Variants in SNX3 observed in about 807,000 individuals in gnomAD.
SNX3 encodes the protein sorting nexin 3, also known as sorting nexin-3.
A neutral mutation model predicts 17.7 loss-of-function variants in SNX3; 5 were observed. That is an observed-to-expected ratio of 0.28 (90% CI 0.15 to 0.59). The LOEUF (loss-of-function observed/expected upper bound fraction) is 0.59. Ranked by LOEUF, SNX3 falls within the 20% of genes least tolerant of loss-of-function variation. The pLI is 0.88. For synonymous variants in SNX3, 91 were observed against 76.5 expected, an observed-to-expected ratio of 1.19 and a Z score of -0.99; for missense variants, 132 against 206.8, an observed-to-expected ratio of 0.64 and a Z score of 2.22.
intron 1 of SNX3, among the ~76,000 whole-genome samples, chr6:108,232,848 C>T (rs1211961542): frequency 6.6e-6 from 1 of 152,176 alleles, no homozygotes; most frequent in Non-Finnish European, 1.5e-5. Flanking sequence ...CTGTTTTACC[C>T]AATCTGGAAC....
At chr6:108,239,657 A>G (rs1457920730) in intron 1 of SNX3, among the ~76,000 whole-genome samples, 1 of 152,234 alleles carries the variant, frequency 6.6e-6, no homozygotes, top group African/African-American at 2.4e-5. Context: ...GAATTAAGTA[A>G]CTTGTTCAAG....
At chr6:108,255,829 G>A (rs550968647) in intron 1 of SNX3, among the ~76,000 whole-genome samples, 11 of 152,206 alleles carry the variant, frequency 7.2e-5, no homozygotes, top group African/African-American at 1.7e-4. Flanking sequence ...AGTTTAGAAC[G>A]GCAAGCACTG....
intron 1 of SNX3, among the ~76,000 whole-genome samples, chr6:108,257,920 C>T (rs1387475239): frequency 6.6e-6 from 1 of 151,722 alleles, no homozygotes; most frequent in African/African-American, 2.4e-5. Context: ...GCCAAGATCG[C>T]GCCACTGCAC....
intron 1 of SNX3, among the ~76,000 whole-genome samples, chr6:108,228,265 C>T (rs771671799): frequency 5.3e-5 from 8 of 151,998 alleles, no homozygotes; most frequent in Non-Finnish European, 1.0e-4. Context: ...ATTAGCTGGG[C>T]AGGCTGGGCG....
chr6:108,239,976 T>C (rs1775468064), intron 1 of SNX3, among the ~76,000 whole-genome samples: 1 of 152,120 alleles, frequency 6.6e-6, no homozygotes, highest in Non-Finnish European at 1.5e-5. Context: ...CCATTTCTCT[T>C]AAAAATATGA....
Position 108,246,572 on chromosome 6 carries a change from C to T in SNX3, c.162+14188G>A, listed in dbSNP as rs908655419. Among the ~76,000 whole-genome samples the T allele has an allele frequency of 2.2e-4, 33 of 151,620 alleles. 1 individual carries two copies. The highest frequency in any genetic ancestry group is 9.7e-5 in the African/African-American group (4 of 41,254). ...CTCAAACTCCTGATCTCTGGTGATC[C>T]ACCCGCCTCCACCTCCCAAAGTGCT... On this transcript the variant is annotated intron_variant, in intron 1 of 3. Coordinates refer to ENST00000230085, the MANE Select transcript of SNX3 (RefSeq NM_003795.6).
chr6:108,248,107 G>A (rs1474702611), intron 1 of SNX3, among the ~76,000 whole-genome samples: 2 of 152,130 alleles, frequency 1.3e-5, no homozygotes, highest in Non-Finnish European at 2.9e-5. Context: ...TGGCAGTGAA[G>A]CACAAAAGAG....
chr6:108,236,620 C>T (rs909277442), intron 1 of SNX3, among the ~76,000 whole-genome samples: 9 of 151,680 alleles, frequency 5.9e-5, no homozygotes, highest in African/African-American at 2.2e-4. Context: ...GATCTCCTGA[C>T]CTCGTGATCC....
intron 1 of SNX3, among the ~76,000 whole-genome samples, chr6:108,240,214 GTTTGTT>G (rs761961625): frequency 2.6e-5 from 4 of 152,006 alleles, no homozygotes; most frequent in African/African-American, 4.8e-5. Context: ...CTGTGTGTGG[GTTTGTT>G]TTTGTTTTTG....
chr6:108,260,705 G>T, intron 1 of SNX3, 55 bp downstream of exon 1: 1 of 1,603,656 alleles, frequency 6.2e-7, no homozygotes, highest in Non-Finnish European at 8.5e-7. Context: ...GGTCGAGTGG[G>T]GGTGACCAGA....
In SNX3 at chr6:108,236,670, G is replaced by A. The variant is rs976987700; in HGVS notation, c.163-13625C>T. ...CCCAAAGTGCTGGGATTACAGGCGT[G>A]AGCCACCGTGCCCGGCTTCCACCTA... is the stretch of plus-strand genomic sequence containing the variant. On this transcript the variant is annotated intron_variant, in intron 1 of 3. Transcript: ENST00000230085. 3.9e-5 allele frequency among the ~76,000 whole-genome samples: 6 copies of A among 151,958 alleles called. No individual in the cohort carries two copies. In the East Asian group the frequency reaches 7.7e-4, roughly 20 times the overall value.
chr6:108,251,051 T>C (rs1486900286), intron 1 of SNX3, among the ~76,000 whole-genome samples: 3 of 151,576 alleles, frequency 2.0e-5, no homozygotes, highest in Non-Finnish European at 4.4e-5. Flanking sequence ...AAAACCAAAA[T>C]AGTTTTAAGC....
chr6:108,241,800 C>A (rs78755561), intron 1 of SNX3, among the ~76,000 whole-genome samples: 3,962 of 152,160 alleles, frequency 0.026, 123 homozygotes, highest in South Asian at 0.088. Context: ...ATGAGACATG[C>A]AAAGAAACTG....
intron 1 of SNX3, among the ~76,000 whole-genome samples, chr6:108,236,381 T>TTATTGTTA (rs1562430789): frequency 8.8e-6 from 1 of 114,060 alleles, no homozygotes; most frequent in Non-Finnish European, 1.8e-5. Context: ...TATTATTATT[T>TTATTGTTA]TTTTTTTTTT....
Position 108,214,485 on chromosome 6 carries a change from A to G in SNX3, c.383+13T>C, listed in dbSNP as rs748038364. ...AAAGTAGTCCTACACTTTGAGGAAT[A>G]GGAAGCACTTACTTGTTTATAAACT... On this transcript the variant is annotated intron_variant, in intron 3 of 3. Transcript: ENST00000230085. 15 of 1,612,238 alleles carry G rather than the reference A, an allele frequency of 9.3e-6. No homozygotes were observed. In the African/African-American group the frequency reaches 1.9e-4, roughly 20 times the overall value.
Position 108,212,174 on chromosome 6 carries a change from G to A in SNX3, c.464C>T (p.Thr155Ile), listed in dbSNP as rs778348229. 1.2e-6 allele frequency: 2 copies of A among 1,606,934 alleles called. No homozygotes were observed. The highest frequency in any genetic ancestry group is 1.1e-5 in the South Asian group (1 of 89,956). Reference protein sequence around the residue: ...LQDEIIDKSYTPSKIRHA With the variant: ...LQDEIIDKSYIPSKIRHA ...TCAGGCATGTCTTATTTTAGATGGA[G>A]TATAGCTTTTATCTATTATTTCATC... The change falls in exon 4 of 4, where the codon ACT becomes ATT. Residue 155 changes from threonine (T) to isoleucine (I), a missense_variant. Physicochemically the swap from Thr to Ile is moderately conservative, Grantham distance 89 (BLOSUM62 -1). Coordinates refer to ENST00000230085, the MANE Select transcript of SNX3 (RefSeq NM_003795.6).
intron 1 of SNX3, among the ~76,000 whole-genome samples, chr6:108,256,545 C>T (rs1776036985): frequency 6.6e-6 from 1 of 152,188 alleles, no homozygotes; most frequent in Non-Finnish European, 1.5e-5. Flanking sequence ...ATTATTAGCA[C>T]ACCTATTTCA....
chr6:108,248,425 C>G (rs1775754918), intron 1 of SNX3, among the ~76,000 whole-genome samples: 1 of 152,156 alleles, frequency 6.6e-6, no homozygotes, highest in Non-Finnish European at 1.5e-5. Context: ...TTACTGAATG[C>G]AGTAACATGT....
chr6:108,242,083 T>G (rs1582498793), intron 1 of SNX3, among the ~76,000 whole-genome samples: 1 of 152,074 alleles, frequency 6.6e-6, no homozygotes, highest in Non-Finnish European at 1.5e-5. Context: ...CAACAGTGGA[T>G]TCAAACTGGC....
Sources: allele counts gnomAD v4.1 joint callset (sites outside exome capture counted in the v4.1 genomes callset), GRCh38; gene constraint gnomAD v4.1.1; transcripts MANE v1.5; gene names NCBI Gene and HGNC (gene_info 2026-07-23, HGNC 2026-07-21).